The following SNTG1 variants were observed in gnomAD, a reference collection of about 807,000 sequenced individuals.
SNTG1 encodes syntrophin gamma 1.
SNTG1 carries 39 observed loss-of-function variants against 74.7 expected under a neutral mutation model. That is an observed-to-expected ratio of 0.52 (90% CI 0.40 to 0.68). The LOEUF (loss-of-function observed/expected upper bound fraction) is 0.68. Among genes scored for constraint, SNTG1 ranks in the 30% least tolerant of loss-of-function variants. The probability of loss-of-function intolerance (pLI) is 0.00; values close to 1 mark genes in which losing one functional copy is unlikely to be tolerated. For synonymous variants in SNTG1, 254 were observed against 217.1 expected, an observed-to-expected ratio of 1.17 and a Z score of -1.49; for missense variants, 685 against 609.5, an observed-to-expected ratio of 1.12 and a Z score of -1.30.
intron 2 of SNTG1, among the ~76,000 whole-genome samples, chr8:50,331,436 A>G (rs1225050245): frequency 6.6e-6 from 1 of 152,184 alleles, no homozygotes; most frequent in Non-Finnish European, 1.5e-5. Flanking sequence ...AGGAAAAGGC[A>G]TGGTATTTTT....
rs138966379 is a variant in SNTG1, at chr8:50,551,283, C to T, written c.681-1767C>T. Among the ~76,000 whole-genome samples the T allele has an allele frequency of 5.4e-3, 823 of 152,092 alleles. 7 individuals carry two copies. Among genetic ancestry groups the T allele is most frequent in the African/African-American group, 0.019 (768 of 41,504 alleles). The stretch of plus-strand genomic sequence containing the variant: ...AGTTTCCATATTTGAAAAGTTGAAA[C>T]AGAATGTAAAAAGTGATATGTATTA... On this transcript the variant is annotated intron_variant, in intron 11 of 18. Transcript: ENST00000642720.
intron 17 of SNTG1, among the ~76,000 whole-genome samples, chr8:50,742,877 AGAGACAATTTTAT>A (rs1275182992): frequency 2.0e-5 from 3 of 151,894 alleles, no homozygotes. Flanking sequence ...AAATGGATTA[AGAGACAATTTTAT>A]GAGCAATTGC....
chr8:50,086,726 G>T (rs1293926568), intron 1 of SNTG1, among the ~76,000 whole-genome samples: 1 of 152,080 alleles, frequency 6.6e-6, no homozygotes, highest in African/African-American at 2.4e-5. Flanking sequence ...TGTGTTGTTT[G>T]CAAGAGGTGG....
intron 2 of SNTG1, among the ~76,000 whole-genome samples, chr8:50,353,021 A>G (rs1303451959): frequency 6.6e-6 from 1 of 152,104 alleles, no homozygotes; most frequent in Non-Finnish European, 1.5e-5. Flanking sequence ...TCCCTCAATG[A>G]TAGACTGGAT....
chr8:50,680,878 T>C (rs1034339660), intron 15 of SNTG1, among the ~76,000 whole-genome samples: 1 of 152,132 alleles, frequency 6.6e-6, no homozygotes, highest in Non-Finnish European at 1.5e-5. Context: ...CCCATCTGCA[T>C]TGGGAATCCA....
chr8:50,257,137 G>T (rs576849283), intron 2 of SNTG1, among the ~76,000 whole-genome samples: 1 of 152,194 alleles, frequency 6.6e-6, no homozygotes, highest in East Asian at 1.9e-4. Context: ...TTCGGCTTGT[G>T]CAGCAGGAGC....
Position 50,793,639 on chromosome 8 carries a change from A to C in SNTG1, c.*810A>C. The C allele has an allele frequency of 6.6e-6, 1 of 151,902 alleles. No homozygotes were observed. Among genetic ancestry groups the C allele is most frequent in the East Asian group, 1.9e-4 (1 of 5,178 alleles). 9.4% of individuals were successfully genotyped at this position (151,902 alleles called of 1,614,324 possible). On this transcript the variant is annotated 3_prime_UTR_variant, in exon 19 of 19. Transcript: ENST00000642720. ...AAAGAGATTTGTATTTTACCTAATA[A>C]GATTTATTATCAAATTAAAGTTTCA... is the stretch of plus-strand genomic sequence containing the variant.
At chr8:49,913,505 A>G (rs1252993432) in intron 1 of SNTG1, among the ~76,000 whole-genome samples, 2 of 152,170 alleles carry the variant, frequency 1.3e-5, no homozygotes, top group Non-Finnish European at 1.5e-5. Flanking sequence ...AGGAAAAATC[A>G]TTCTTAACTG....
At chr8:50,101,146 A>G (rs1017873857) in intron 1 of SNTG1, among the ~76,000 whole-genome samples, 4 of 151,942 alleles carry the variant, frequency 2.6e-5, no homozygotes, top group Non-Finnish European at 5.9e-5. Flanking sequence ...ATTCCATGGT[A>G]TATATGTACC....
intron 1 of SNTG1, among the ~76,000 whole-genome samples, chr8:49,923,016 C>G (rs182646): frequency 6.6e-6 from 1 of 151,990 alleles, no homozygotes; most frequent in African/African-American, 2.4e-5. Flanking sequence ...CCTGAAATAT[C>G]TGGAAATTCA....
chr8:50,167,494 T>A (rs894601502), intron 1 of SNTG1, among the ~76,000 whole-genome samples: 4 of 151,516 alleles, frequency 2.6e-5, no homozygotes, highest in African/African-American at 9.7e-5. Context: ...TATGTAATGG[T>A]CCTGATAAGA....
chr8:50,558,018 A>G (rs544411845), intron 12 of SNTG1, among the ~76,000 whole-genome samples: 81 of 152,228 alleles, frequency 5.3e-4, no homozygotes, highest in Admixed American at 8.5e-4. Context: ...GGATCGCAGC[A>G]TCACTCTCTT....
intron 15 of SNTG1, among the ~76,000 whole-genome samples, chr8:50,694,876 T>C (rs2095397995): frequency 1.3e-5 from 2 of 148,218 alleles, no homozygotes; most frequent in South Asian, 2.1e-4. Flanking sequence ...AAATTCAACA[T>C]TCTTTTATAA....
intron 5 of SNTG1, among the ~76,000 whole-genome samples, chr8:50,449,006 CA>C (rs1383795939): frequency 6.6e-6 from 1 of 151,822 alleles, no homozygotes; most frequent in Admixed American, 6.6e-5. Context: ...CCAGCCTGGG[CA>C]ACAGAGCGAG....
At chr8:50,514,552 C>G (rs1412649394) in intron 9 of SNTG1, among the ~76,000 whole-genome samples, 1 of 152,054 alleles carries the variant, frequency 6.6e-6, no homozygotes, top group African/African-American at 2.4e-5. Context: ...TCTCTCTCTG[C>G]TATTGATTTC....
At chr8:50,468,742 A>T (rs957761395) in intron 8 of SNTG1, among the ~76,000 whole-genome samples, 1 of 152,114 alleles carries the variant, frequency 6.6e-6, no homozygotes, top group East Asian at 1.9e-4. Flanking sequence ...GTTTACCTTA[A>T]GCATTTGAGT....
chr8:50,688,919 C>T (rs1056592887), intron 15 of SNTG1, among the ~76,000 whole-genome samples: 4 of 152,054 alleles, frequency 2.6e-5, no homozygotes, highest in African/African-American at 9.7e-5. Context: ...TGTTTGTATC[C>T]TCTTGTATTT....
intron 18 of SNTG1, among the ~76,000 whole-genome samples, chr8:50,752,331 A>G (rs7840460): frequency 0.033 from 5,002 of 152,050 alleles, 210 homozygotes; most frequent in East Asian, 0.11. Context: ...AACTAATTGC[A>G]TTTCTTAGTT....
intron 11 of SNTG1, among the ~76,000 whole-genome samples, chr8:50,548,664 T>A (rs2094404980): frequency 1.3e-5 from 2 of 152,068 alleles, no homozygotes; most frequent in African/African-American, 4.8e-5. Flanking sequence ...CACAAACATG[T>A]TTAATACCAC....
Sources: gnomAD v4.1 joint callset for allele counts (sites outside exome capture counted in the v4.1 genomes callset) on GRCh38, gnomAD v4.1.1 for gene constraint, MANE v1.5 for transcripts, NCBI Gene and HGNC (gene_info 2026-07-23, HGNC 2026-07-21) for gene names.